Variants in RAPGEF5 observed in about 807,000 individuals in gnomAD.
The protein encoded by RAPGEF5 is Rap guanine nucleotide exchange factor 5, also known as M-Ras-regulated GEF.
A neutral mutation model predicts 125.2 loss-of-function variants in RAPGEF5; 65 were observed. The ratio of observed to expected loss-of-function variants is 0.52; its 90% CI spans 0.43 to 0.64. The LOEUF (loss-of-function observed/expected upper bound fraction) is 0.64, where lower values mean the gene tolerates loss of function less well. Among genes scored for constraint, RAPGEF5 ranks in the 30% least tolerant of loss-of-function variants. The pLI is 0.00. For synonymous variants in RAPGEF5, 391 were observed against 385.9 expected (o/e 1.01, Z -0.16); for missense variants, 958 against 1,048.1 (o/e 0.91, Z 1.19).
At chr7:22,203,658 G>T (rs767701403) in intron 9 of RAPGEF5, among the ~76,000 whole-genome samples, 1 of 152,156 alleles carries the variant, frequency 6.6e-6, no homozygotes, top group African/African-American at 2.4e-5. Context: ...ACATCCATTC[G>T]CCCTGGTTAG....
intron 11 of RAPGEF5, among the ~76,000 whole-genome samples, chr7:22,191,912 C>T (rs1785008521): frequency 6.6e-6 from 1 of 152,208 alleles, no homozygotes; most frequent in Non-Finnish European, 1.5e-5. Flanking sequence ...CAAAGTCTTG[C>T]ACTATAGAAC....
At position 22,194,013 on chromosome 7, in the gene RAPGEF5, A is replaced by C; in HGVS notation, c.1017T>G (p.Thr339=). 2 of 1,613,866 alleles carry C rather than the reference A, an allele frequency of 1.2e-6. No individual in the cohort carries two copies. Among genetic ancestry groups the C allele is most frequent in the South Asian group, 2.2e-5 (2 of 91,044 alleles). The change falls in exon 10 of 26, where the codon ACT becomes ACG. Residue 339 remains threonine (T), a synonymous_variant. Coordinates refer to ENST00000665637, the MANE Select transcript of RAPGEF5 (RefSeq NM_012294.5). The part of the protein sequence containing the change: ...KSEHQDDEVT[T]VQVKEQDQSV... ...TCTGGTCTTGCTCTTTAACCTGAAC[A>C]GTCGTCACTTCATCATCTTGCTTTA...
intron 1 of RAPGEF5, among the ~76,000 whole-genome samples, chr7:22,328,890 C>T (rs965899624): frequency 6.6e-6 from 1 of 152,182 alleles, no homozygotes; most frequent in Non-Finnish European, 1.5e-5. Context: ...AAAAGAGTCA[C>T]CTGATCTTCA....
In RAPGEF5 at chr7:22,315,495, C is replaced by T; in HGVS notation, c.283-19G>A. 6.9e-7 allele frequency: 1 copy of T among 1,444,224 alleles called. No homozygotes were observed. Among genetic ancestry groups the T allele is most frequent in the Non-Finnish European group, 9.1e-7 (1 of 1,099,740 alleles). The allele number at this position is 1,444,224 out of a possible 1,614,324, so 89.5% of individuals were successfully genotyped here. A position where few individuals can be genotyped will look rare whatever the true frequency, so the allele number is the denominator to read the frequency against. On this transcript the variant is annotated intron_variant, in intron 2 of 25. Transcript: ENST00000665637. ...CATAAATCTAAATGGAAAAGACAGT[C>T]ACTGTAAATATAGAACAATAATGTG...
At position 22,228,571 on chromosome 7, in the gene RAPGEF5, G is replaced by A. The variant is rs546469009; in HGVS notation, c.870+2275C>T. 1.2e-4 allele frequency among the ~76,000 whole-genome samples: 19 copies of A among 152,162 alleles called. No individual in the cohort carries two copies. The East Asian group carries it at 3.5e-3, about 28-fold the overall frequency. On this transcript the variant is annotated intron_variant, in intron 8 of 25. Transcript: ENST00000665637. ...CACCCAGGCTGGAGTGCAATGGCAGGATTTTGGCTCACTGAAACCTCCGCC... is the reference window on the plus strand; with the variant it reads ...CACCCAGGCTGGAGTGCAATGGCAGAATTTTGGCTCACTGAAACCTCCGCC...
At chr7:22,239,931 G>T (rs989886485) in intron 7 of RAPGEF5, among the ~76,000 whole-genome samples, 1 of 151,198 alleles carries the variant, frequency 6.6e-6, no homozygotes, top group Admixed American at 6.6e-5. Flanking sequence ...TTTTTTGGCC[G>T]GGTGTGGTGG....
At chr7:22,142,867 A>G (rs1247152758) in intron 20 of RAPGEF5, among the ~76,000 whole-genome samples, 1 of 152,142 alleles carries the variant, frequency 6.6e-6, no homozygotes, top group African/African-American at 2.4e-5. Context: ...GGAAATTACT[A>G]TTTTCCCTTG....
At chr7:22,178,951 T>C (rs1489458462) in intron 11 of RAPGEF5, among the ~76,000 whole-genome samples, 3 of 152,100 alleles carry the variant, frequency 2.0e-5, no homozygotes, top group Non-Finnish European at 2.9e-5. Context: ...CATATTAGCA[T>C]ACAAAAAGAT....
intron 1 of RAPGEF5, among the ~76,000 whole-genome samples, chr7:22,337,182 T>G (rs1219890060): frequency 6.6e-6 from 1 of 152,116 alleles, no homozygotes; most frequent in Non-Finnish European, 1.5e-5. Flanking sequence ...AAAGACAGTT[T>G]GGTGGGCAGG....
rs542526589 is a variant in RAPGEF5, at chr7:22,230,867, G to A, written c.849C>T (p.Ala283=). 44 of 1,566,638 alleles carry A rather than the reference G, an allele frequency of 2.8e-5. No individual in the cohort carries two copies. The highest frequency in any genetic ancestry group is 1.5e-4 in the Admixed American group (8 of 53,016). ...ATACCTGAGAATCTGGAACACTTTCGGCTTCTGTTACAGCTACATGTTTGT... is the reference window on the plus strand; with the variant it reads ...ATACCTGAGAATCTGGAACACTTTCAGCTTCTGTTACAGCTACATGTTTGT... ...NNDKHVAVTE[A]ESVPDSQAGV... is the part of the protein sequence containing the mutation. The change falls in exon 8 of 26, where the codon GCC becomes GCT. Residue 283 remains alanine (A), a synonymous_variant. Coordinates refer to ENST00000665637, the MANE Select transcript of RAPGEF5 (RefSeq NM_012294.5).
intron 7 of RAPGEF5, among the ~76,000 whole-genome samples, chr7:22,255,654 C>CAT (rs1276566195): frequency 1.3e-5 from 2 of 152,032 alleles, no homozygotes; most frequent in Non-Finnish European, 2.9e-5. Context: ...TTTGATATAT[C>CAT]ATATATATTG....
intron 9 of RAPGEF5, among the ~76,000 whole-genome samples, chr7:22,197,088 G>T (rs927599739): frequency 1.3e-5 from 2 of 152,110 alleles, no homozygotes; most frequent in Non-Finnish European, 2.9e-5. Context: ...CCAGGAGAGC[G>T]CTGTATCAGG....
chr7:22,307,285 G>A (rs772361390), intron 5 of RAPGEF5, among the ~76,000 whole-genome samples: 4 of 152,026 alleles, frequency 2.6e-5, no homozygotes, highest in Non-Finnish European at 5.9e-5. Flanking sequence ...TTAGTTCCTA[G>A]GTATTTAATT....
rs192712184 is a variant in RAPGEF5, at chr7:22,140,341, C to G, written c.2187-226G>C. On this transcript the variant is annotated intron_variant, in intron 20 of 25. Transcript: ENST00000665637. ...GGAAAAGATCCGTGCTCTTGACACC[C>G]TCCTCATATTTCACAAGATTCCTCC... Among the ~76,000 whole-genome samples the G allele has an allele frequency of 8.5e-5, 13 of 152,274 alleles. No homozygotes were observed. The East Asian group carries it at 2.3e-3, about 27-fold the overall frequency.
chr7:22,154,094 G>A (rs1279371368), intron 17 of RAPGEF5, among the ~76,000 whole-genome samples: 1 of 151,922 alleles, frequency 6.6e-6, no homozygotes, highest in East Asian at 1.9e-4. Flanking sequence ...ACTGGTTCAA[G>A]GCCATCTTTC....
chr7:22,256,152 C>T (rs570199705), intron 7 of RAPGEF5, among the ~76,000 whole-genome samples: 1 of 152,156 alleles, frequency 6.6e-6, no homozygotes, highest in Non-Finnish European at 1.5e-5. Flanking sequence ...CCCTGCCATT[C>T]TCCTGCTGCT....
intron 17 of RAPGEF5, among the ~76,000 whole-genome samples, chr7:22,153,352 T>G (rs890497235): frequency 6.6e-6 from 1 of 152,186 alleles, no homozygotes; most frequent in African/African-American, 2.4e-5. Context: ...TTGAAATATA[T>G]TATTAAAAAT....
intron 6 of RAPGEF5, among the ~76,000 whole-genome samples, chr7:22,268,534 T>C (rs908239754): frequency 2.6e-5 from 4 of 152,228 alleles, no homozygotes; most frequent in African/African-American, 9.6e-5. Context: ...CTTTTTAGGA[T>C]TTTCTTCATT....
chr7:22,347,212 A>T (rs1224178932), intron 1 of RAPGEF5, among the ~76,000 whole-genome samples: 2 of 152,112 alleles, frequency 1.3e-5, no homozygotes, highest in Non-Finnish European at 2.9e-5. Flanking sequence ...GTAGGAAAAA[A>T]TTTAAATTTA....
Sources: gnomAD v4.1 joint callset for allele counts (sites outside exome capture counted in the v4.1 genomes callset) on GRCh38, gnomAD v4.1.1 for gene constraint, MANE v1.5 for transcripts, NCBI Gene and HGNC (gene_info 2026-07-23, HGNC 2026-07-21) for gene names.